COX18: variants seen among roughly 807,000 people sequenced by gnomAD.
COX18 encodes cytochrome c oxidase assembly factor COX18.
A neutral mutation model predicts 38.0 loss-of-function variants in COX18; 45 were observed. The observed-to-expected ratio is 1.18, with a 90% confidence interval of 0.93 to 1.52. The LOEUF is 1.52. Ranked by LOEUF, COX18 falls within the 40% of genes most tolerant of loss-of-function variation. The pLI is 0.00. For synonymous variants in COX18, 177 were observed against 169.8 expected, an observed-to-expected ratio of 1.04 and a Z score of -0.33; for missense variants, 462 against 423.8, an observed-to-expected ratio of 1.09 and a Z score of -0.79.
chr4:73,067,263 T>C (rs775986660), intron 2 of COX18, among the ~76,000 whole-genome samples: 1 of 152,336 alleles, frequency 6.6e-6, no homozygotes. Flanking sequence ...AAGGTCAAGA[T>C]TGTAAATAAC....
chr4:73,068,109 T>G lies in COX18; in HGVS notation c.354A>C (p.Glu118Asp). ...TAAGATGCCTGGCAATAGTTTTTAT[T>G]TCTGGCTGCAAATTTTCCACCTAGC... ...ILAKVENLQP[E>D]IKTIARHLNQ... is the part of the protein sequence containing the mutation. Residue 118 changes from glutamate to aspartate, a missense_variant, in exon 2 of 6, where the codon GAA (glutamate) becomes GAC (aspartate). Transcript: ENST00000507544. 6.2e-7 allele frequency: 1 copy of G among 1,608,474 alleles called. No homozygotes were observed. The highest frequency in any genetic ancestry group is 8.5e-7 in the Non-Finnish European group (1 of 1,177,930).
Position 73,057,634 on chromosome 4 carries a change from T to A in COX18, c.*480A>T, listed in dbSNP as rs1719958372. ...ACAAACATACTGCATTTATAACATT[T>A]AAAAGATTTTAATTACTGTCAAATA... On this transcript the variant is annotated 3_prime_UTR_variant, in exon 6 of 6. Transcript: ENST00000507544. 6.5e-6 allele frequency: 1 copy of A among 152,772 alleles called. No individual in the cohort carries two copies. The highest frequency in any genetic ancestry group is 6.5e-5 in the Admixed American group (1 of 15,386). The allele number at this position is 152,772 out of a possible 1,614,324, so 9.5% of individuals were successfully genotyped here.
Position 73,055,239 on chromosome 4 carries a change from C to T in COX18, c.*2875G>A, listed in dbSNP as rs1719842559. On this transcript the variant is annotated 3_prime_UTR_variant, in exon 6 of 6. Transcript: ENST00000507544. ...TCTTTTTACTATGACCTAAGCTGCA[C>T]ACACATTTCTGCCTCTGCATCCTTG... The T allele has an allele frequency of 6.6e-6, 1 of 152,222 alleles. No homozygotes were observed. Among genetic ancestry groups the T allele is most frequent in the Non-Finnish European group, 1.5e-5 (1 of 68,036 alleles). The allele number at this position is 152,222 out of a possible 1,614,324, so 9.4% of individuals were successfully genotyped here. A position where few individuals can be genotyped will look rare whatever the true frequency, so the allele number is the denominator to read the frequency against.
chr4:73,065,303 A>G lies in COX18; in HGVS notation c.545T>C (p.Ile182Thr), dbSNP rs145574446. Reference protein sequence around the residue: ...VLVWIQLPMWIFMSFALRNLS... With the variant: ...VLVWIQLPMWTFMSFALRNLS... ...ATTCCGGAGAGCAAAAGACATGAAGATCCACATTGGAAGCTGAATCCAAAC... is the reference window on the plus strand; with the variant it reads ...ATTCCGGAGAGCAAAAGACATGAAGGTCCACATTGGAAGCTGAATCCAAAC... Residue 182 changes from isoleucine (I) to threonine (T), a missense_variant, in exon 3 of 6, where the codon ATC (isoleucine) becomes ACC (threonine). Coordinates refer to ENST00000507544, the MANE Select transcript of COX18 (RefSeq NM_001297732.2). The G allele has an allele frequency of 7.1e-5, 114 of 1,613,682 alleles. No homozygotes were observed. Among genetic ancestry groups the G allele is most frequent in the Non-Finnish European group, 9.2e-5 (109 of 1,179,968 alleles).
rs1719993232 is a variant in COX18, at chr4:73,058,290, A to G, written c.832-3T>C. 4 of 1,593,116 alleles carry G rather than the reference A, an allele frequency of 2.5e-6. No individual in the cohort carries two copies. The highest frequency in any genetic ancestry group is 3.4e-6 in the Non-Finnish European group (4 of 1,168,474). Reference sequence around the variant, plus strand: ...CATAACCAGTAGAGAACAATTGACTATAAAGAGAAGACATAAATGTTAGCA... The same window carrying G: ...CATAACCAGTAGAGAACAATTGACTGTAAAGAGAAGACATAAATGTTAGCA... On this transcript the variant is annotated splice_polypyrimidine_tract_variant and splice_region_variant and intron_variant, in intron 5 of 5. Coordinates refer to ENST00000507544, the MANE Select transcript of COX18 (RefSeq NM_001297732.2).
Position 73,056,174 on chromosome 4 carries a change from T to C in COX18, c.*1940A>G, listed in dbSNP as rs1719880026. On this transcript the variant is annotated 3_prime_UTR_variant, in exon 6 of 6. Coordinates refer to ENST00000507544, the MANE Select transcript of COX18 (RefSeq NM_001297732.2). ...GTCCATATTTTAACTAAATGAAAAT[T>C]ATGATTTATAGCCTTCTCAAATACC... is the stretch of plus-strand genomic sequence containing the variant. The C allele has an allele frequency of 6.6e-6, 1 of 152,220 alleles. No individual in the cohort carries two copies. The highest frequency in any genetic ancestry group is 2.4e-5 in the African/African-American group (1 of 41,450). The allele number at this position is 152,220 out of a possible 1,614,324, so 9.4% of individuals were successfully genotyped here.
chr4:73,069,148 G>A (rs1424406733), intron 1 of COX18, among the ~76,000 whole-genome samples, 169 bp downstream of exon 1: 2 of 152,240 alleles, frequency 1.3e-5, no homozygotes, highest in Admixed American at 1.3e-4. Flanking sequence ...CCTAATGCTA[G>A]TTCAATTTTT....
At chr4:73,063,545 A>G (rs537450606) in intron 4 of COX18, among the ~76,000 whole-genome samples, 27 of 152,306 alleles carry the variant, frequency 1.8e-4, no homozygotes, top group African/African-American at 6.5e-4. Context: ...GCACGCCACC[A>G]TGCCCCGCTA....
At position 73,055,795 on chromosome 4, in the gene COX18, A is replaced by T. The variant is rs1719868149; in HGVS notation, c.*2319T>A. On this transcript the variant is annotated 3_prime_UTR_variant, in exon 6 of 6. Coordinates refer to ENST00000507544, the MANE Select transcript of COX18 (RefSeq NM_001297732.2). ...GGGTTATGGATAGATTTGAGCAAGG[A>T]GGCAAATTTACAAATATAAAATCCA... 6.6e-6 allele frequency: 1 copy of T among 152,194 alleles called. No individual in the cohort carries two copies. Among genetic ancestry groups the T allele is most frequent in the Non-Finnish European group, 1.5e-5 (1 of 68,038 alleles). 9.4% of individuals were successfully genotyped at this position (152,194 alleles called of 1,614,324 possible). A position where few individuals can be genotyped will look rare whatever the true frequency, so the allele number is the denominator to read the frequency against.
At position 73,053,678 on chromosome 4, in the gene COX18, A is replaced by G. The variant is rs1719801768; in HGVS notation, c.*4436T>C. On this transcript the variant is annotated 3_prime_UTR_variant, in exon 6 of 6. Coordinates refer to ENST00000507544, the MANE Select transcript of COX18 (RefSeq NM_001297732.2). ...TAAGTGCTGTTAAAGGTACCTGAAA[A>G]GTCTTCTCCCCAAGTTTGGCTTTTC... 1 of 152,156 alleles carries G rather than the reference A, an allele frequency of 6.6e-6. No individual in the cohort carries two copies. Among genetic ancestry groups the G allele is most frequent in the Non-Finnish European group, 1.5e-5 (1 of 68,038 alleles). The allele number at this position is 152,156 out of a possible 1,614,324, so 9.4% of individuals were successfully genotyped here.
intron 2 of COX18, 37 bp downstream of exon 2, chr4:73,067,992 G>A (rs1330427341): frequency 1.7e-6 from 2 of 1,164,330 alleles, no homozygotes; most frequent in Non-Finnish European, 2.6e-6. Context: ...GTGTGTGTAT[G>A]TGTGCGTATG....
intron 2 of COX18, 86 bp from the exon 3 acceptor site, chr4:73,065,499 G>A: frequency 2.6e-6 from 3 of 1,170,404 alleles, no homozygotes; most frequent in South Asian, 1.5e-5. Context: ...AATAGCGCCT[G>A]CTGTAGTTAT....
At chr4:73,061,467 C>T (rs1433944546) in intron 5 of COX18, among the ~76,000 whole-genome samples, 4 of 151,290 alleles carry the variant, frequency 2.6e-5, no homozygotes, top group Admixed American at 6.6e-5. Context: ...CCAGCACTTT[C>T]GGAGGCCGAG....
chr4:73,068,648 C>T (rs995572969), intron 1 of COX18: 2 of 153,014 alleles, frequency 1.3e-5, no homozygotes, highest in Admixed American at 1.3e-4. Flanking sequence ...TTTTTTTCCC[C>T]ATGCTCACAA....
In COX18 at chr4:73,053,893, TTCTA is replaced by T. The variant is rs552685818; in HGVS notation, c.*4217_*4220del. On this transcript the variant is annotated 3_prime_UTR_variant, in exon 6 of 6. Transcript: ENST00000507544. Reference sequence around the variant, plus strand: ...TTTGGGATCATTTCAGATACGCCAATTCTATCTATTAATATACTTTTGAACTCAG... The same window carrying T: ...TTTGGGATCATTTCAGATACGCCAATTCTATTAATATACTTTTGAACTCAG... 1 of 152,236 alleles carries T rather than the reference TTCTA, an allele frequency of 6.6e-6. No individual in the cohort carries two copies. The highest frequency in any genetic ancestry group is 2.1e-4 in the South Asian group (1 of 4,834). 9.4% of individuals were successfully genotyped at this position (152,236 alleles called of 1,614,324 possible). A position where few individuals can be genotyped will look rare whatever the true frequency, so the allele number is the denominator to read the frequency against.
rs1719882965 is a variant in COX18 at position 73,056,256 on chromosome 4, CA to C, written c.*1857del. The C allele has an allele frequency of 1.3e-5, 2 of 152,128 alleles. No individual in the cohort carries two copies. Among genetic ancestry groups the C allele is most frequent in the Non-Finnish European group, 1.5e-5 (1 of 68,014 alleles). 9.4% of individuals were successfully genotyped at this position (152,128 alleles called of 1,614,324 possible). A position where few individuals can be genotyped will look rare whatever the true frequency, so the allele number is the denominator to read the frequency against. On this transcript the variant is annotated 3_prime_UTR_variant, in exon 6 of 6. Coordinates refer to ENST00000507544, the MANE Select transcript of COX18 (RefSeq NM_001297732.2). The stretch of plus-strand genomic sequence containing the variant: ...TTTACCTCTTTACAAATTAAATAAG[CA>C]AGTAACTGGATCCACAATTTATAAT...
Position 73,066,429 on chromosome 4 carries a change from T to G in COX18, c.435-1016A>C, listed in dbSNP as rs146077951. ...GCTGGCCAACACTGTGGCTTGCACTTGTAATTCCAGCTACTTGGGAGGCCA... is the reference window on the plus strand; with the variant it reads ...GCTGGCCAACACTGTGGCTTGCACTGGTAATTCCAGCTACTTGGGAGGCCA... On this transcript the variant is annotated intron_variant, in intron 2 of 5. Transcript: ENST00000507544. 6.0e-4 allele frequency among the ~76,000 whole-genome samples: 91 copies of G among 152,308 alleles called. 1 individual carries two copies. The highest frequency in any genetic ancestry group is 2.1e-3 in the African/African-American group (86 of 41,576).
intron 5 of COX18, among the ~76,000 whole-genome samples, chr4:73,060,009 C>T (rs1720070838): frequency 6.6e-6 from 1 of 152,168 alleles, no homozygotes; most frequent in South Asian, 2.1e-4. Flanking sequence ...TGGCAAGTCT[C>T]CTTAAAAGGG....
Position 73,069,508 on chromosome 4 carries a change from C to A in COX18, c.142G>T (p.Ala48Ser). The stretch of plus-strand genomic sequence containing the variant: ...TCGTACCAGCCGTTCGCATGTACTG[C>A]AGAGACTGGTGCCACTGCCCACACT... ...LPVWAVAPVS[A>S]VHANGWYEAL... Residue 48 changes from alanine to serine, a missense_variant, in exon 1 of 6, where the codon GCA (alanine) becomes TCA (serine). Physicochemically the swap from Ala to Ser is moderately conservative, Grantham distance 99. Transcript: ENST00000507544. 1 of 1,589,854 alleles carries A rather than the reference C, an allele frequency of 6.3e-7. No homozygotes were observed. The highest frequency in any genetic ancestry group is 8.6e-7 in the Non-Finnish European group (1 of 1,168,842).
Sources: gnomAD v4.1 joint callset for allele counts (sites outside exome capture counted in the v4.1 genomes callset) on GRCh38, gnomAD v4.1.1 for gene constraint, MANE v1.5 for transcripts, NCBI Gene and HGNC (gene_info 2026-07-23, HGNC 2026-07-21) for gene names.